Variants in PAPOLG observed in about 807,000 individuals in gnomAD.
PAPOLG encodes the protein PAP-gamma.
In PAPOLG, 40 loss-of-function variants were observed where a neutral mutation model predicts 99.0. The ratio of observed to expected loss-of-function variants is 0.40; its 90% CI spans 0.31 to 0.53. The LOEUF (loss-of-function observed/expected upper bound fraction) is 0.53. Among genes scored for constraint, PAPOLG ranks in the 20% least tolerant of loss-of-function variants. PAPOLG has a pLI of 0.41. For missense variants in PAPOLG, 675 were observed against 884.1 expected (o/e 0.76, Z 3.00); for synonymous variants, 310 against 299.3 (o/e 1.04, Z -0.37).
At chr2:60,760,796 A>G (rs1004188493) in intron 2 of PAPOLG, among the ~76,000 whole-genome samples, 4 of 152,202 alleles carry the variant, frequency 2.6e-5, no homozygotes, top group African/African-American at 9.6e-5. Flanking sequence ...GGTGTTGTCA[A>G]GGTTTGGTTT....
In PAPOLG at chr2:60,793,999, A is replaced by AC. The variant is rs1251178026; in HGVS notation, c.1803dup (p.Thr602HisfsTer16). Reference sequence around the variant, plus strand: ...TTGACTCTACAGTAAAAACTGTATCACCCCCCACTGTGTGTACCATTCCTA... The same window carrying AC: ...TTGACTCTACAGTAAAAACTGTATCACCCCCCCACTGTGTGTACCATTCCTA... On this transcript the variant is annotated frameshift_variant, in exon 19 of 22. Coordinates refer to ENST00000238714, the MANE Select transcript of PAPOLG (RefSeq NM_022894.4). LOFTEE classifies it high-confidence loss of function. 1.2e-6 allele frequency: 2 copies of AC among 1,611,572 alleles called. No homozygotes were observed. Among genetic ancestry groups the AC allele is most frequent in the Non-Finnish European group, 1.7e-6 (2 of 1,177,836 alleles).
rs2103840908 is a variant in PAPOLG at position 60,801,268 on chromosome 2, T to C, written c.*4108T>C. 1 of 152,110 alleles carries C rather than the reference T, an allele frequency of 6.6e-6. No homozygotes were observed. The allele number at this position is 152,110 out of a possible 1,614,324, so 9.4% of individuals were successfully genotyped here. On this transcript the variant is annotated 3_prime_UTR_variant, in exon 22 of 22. Transcript: ENST00000238714. ...TGATAGTTTAGGGAAAAAAAAAAACTTTGTATAAATAAAATTGTATGTGTG... is the reference window on the plus strand; with the variant it reads ...TGATAGTTTAGGGAAAAAAAAAAACCTTGTATAAATAAAATTGTATGTGTG...
chr2:60,763,416 C>G, intron 3 of PAPOLG, among the ~76,000 whole-genome samples: 1 of 152,058 alleles, frequency 6.6e-6, no homozygotes, highest in Non-Finnish European at 1.5e-5. Flanking sequence ...CTTTTTCCCC[C>G]CAGTATTTTT....
chr2:60,788,829 C>A (rs146803133), intron 15 of PAPOLG, among the ~76,000 whole-genome samples: 1,551 of 151,928 alleles, frequency 0.01, 44 homozygotes, highest in African/African-American at 0.035. Context: ...AACCCCATCT[C>A]TACAAAAAAT....
intron 7 of PAPOLG, among the ~76,000 whole-genome samples, chr2:60,774,111 T>A (rs975853528): frequency 6.6e-6 from 1 of 152,124 alleles, no homozygotes; most frequent in African/African-American, 2.4e-5. Context: ...GTTTTTTTTT[T>A]GAGACGGGAG....
intron 1 of PAPOLG, 148 bp downstream of exon 1, chr2:60,756,643 A>C: frequency 1.1e-6 from 1 of 880,268 alleles, no homozygotes; most frequent in Non-Finnish European, 1.7e-6. Flanking sequence ...CCGGTCCGCA[A>C]GGGCACCTCC....
Position 60,800,933 on chromosome 2 carries a change from C to G in PAPOLG, c.*3773C>G, listed in dbSNP as rs1447510270. 1 of 152,300 alleles carries G rather than the reference C, an allele frequency of 6.6e-6. No homozygotes were observed. The highest frequency in any genetic ancestry group is 1.5e-5 in the Non-Finnish European group (1 of 68,026). 9.4% of individuals were successfully genotyped at this position (152,300 alleles called of 1,614,324 possible). A position where few individuals can be genotyped will look rare whatever the true frequency, so the allele number is the denominator to read the frequency against. ...TGGGCTGGTGAGGGACTCTGGAATTCTGAATTTCTAAGTTTATAACCTAAA... is the reference window on the plus strand; with the variant it reads ...TGGGCTGGTGAGGGACTCTGGAATTGTGAATTTCTAAGTTTATAACCTAAA... On this transcript the variant is annotated 3_prime_UTR_variant, in exon 22 of 22. Transcript: ENST00000238714.
At chr2:60,757,026 A>G (rs1056284852) in intron 1 of PAPOLG, among the ~76,000 whole-genome samples, 3 of 151,432 alleles carry the variant, frequency 2.0e-5, no homozygotes, top group Admixed American at 2.0e-4. Flanking sequence ...CACAACATCT[A>G]CCGGTCTGTA....
intron 17 of PAPOLG, 151 bp from the exon 18 acceptor site, chr2:60,793,476 G>GT (rs1364005747): frequency 7.4e-6 from 6 of 810,388 alleles, no homozygotes; most frequent in Non-Finnish European, 1.2e-5. Flanking sequence ...AGGTGGCAAA[G>GT]TTACTTGAGT....
intron 3 of PAPOLG, among the ~76,000 whole-genome samples, chr2:60,765,192 C>G (rs992239427): frequency 6.6e-6 from 1 of 151,692 alleles, no homozygotes; most frequent in Non-Finnish European, 1.5e-5. Flanking sequence ...CCCCAGCCCC[C>G]CAAGTAGCAG....
chr2:60,785,687 C>T (rs559403076), intron 13 of PAPOLG, among the ~76,000 whole-genome samples: 5 of 130,768 alleles, frequency 3.8e-5, no homozygotes, highest in Admixed American at 7.7e-5. Flanking sequence ...CCATACCTGG[C>T]TGATTTTTTT....
chr2:60,793,232 C>T (rs1671596773), intron 17 of PAPOLG, among the ~76,000 whole-genome samples: 1 of 118,784 alleles, frequency 8.4e-6, no homozygotes, highest in Non-Finnish European at 1.7e-5. Flanking sequence ...AAAAAAAAAG[C>T]AGTGGTAAAT....
At chr2:60,788,489 T>A (rs905592896) in intron 15 of PAPOLG, among the ~76,000 whole-genome samples, 2 of 152,056 alleles carry the variant, frequency 1.3e-5, no homozygotes, top group African/African-American at 4.8e-5. Context: ...TCCTGGCTAA[T>A]TTTTTTATTT....
intron 13 of PAPOLG, among the ~76,000 whole-genome samples, chr2:60,786,592 A>C (rs537289309): frequency 9.3e-5 from 14 of 149,858 alleles, no homozygotes; most frequent in African/African-American, 3.4e-4. Context: ...GCAGTGGCAC[A>C]ATCTCAGCTC....
At position 60,785,340 on chromosome 2, in the gene PAPOLG, T is replaced by C. The variant is rs1442528935; in HGVS notation, c.1167-1607T>C. 2.6e-5 allele frequency among the ~76,000 whole-genome samples: 4 copies of C among 152,128 alleles called. No homozygotes were observed. The East Asian group carries it at 7.7e-4, about 29-fold the overall frequency. On this transcript the variant is annotated intron_variant, in intron 13 of 21. Coordinates refer to ENST00000238714, the MANE Select transcript of PAPOLG (RefSeq NM_022894.4). ...TTTTAGTAGAGACGGGGTTTCACCA[T>C]GTTAGCCAGGATGGTCTCAATCTCC...
intron 10 of PAPOLG, among the ~76,000 whole-genome samples, chr2:60,781,318 C>G (rs1045536480): frequency 6.6e-6 from 1 of 151,870 alleles, no homozygotes; most frequent in South Asian, 2.1e-4. Context: ...GACTGTGCCA[C>G]TGCACTCCAG....
At chr2:60,788,071 A>G (rs1330546197) in intron 15 of PAPOLG, among the ~76,000 whole-genome samples, 1 of 151,990 alleles carries the variant, frequency 6.6e-6, no homozygotes, top group Non-Finnish European at 1.5e-5. Context: ...AAAAAGCATT[A>G]TGAAGCAATT....
At position 60,794,166 on chromosome 2, in the gene PAPOLG, C is replaced by G. The variant is rs1573259419; in HGVS notation, c.1964C>G (p.Pro655Arg). The G allele has an allele frequency of 6.2e-7, 1 of 1,612,070 alleles. No homozygotes were observed. The highest frequency in any genetic ancestry group is 8.5e-7 in the Non-Finnish European group (1 of 1,178,316). Residue 655 changes from proline (P) to arginine (R), a missense_variant, in exon 19 of 22, where the codon CCT becomes CGT. Physicochemically the swap from Pro to Arg is moderately radical, Grantham distance 103. Coordinates refer to ENST00000238714, the MANE Select transcript of PAPOLG (RefSeq NM_022894.4). ...CATTCCCCATCCATAGATGGGACTCCTAAGAGGTTGAAAGACGTAGAAAAG... is the reference window on the plus strand; with the variant it reads ...CATTCCCCATCCATAGATGGGACTCGTAAGAGGTTGAAAGACGTAGAAAAG... ...RSHSPSIDGT[P>R]KRLKDVEKFI...
intron 3 of PAPOLG, among the ~76,000 whole-genome samples, chr2:60,764,557 C>G (rs930690220): frequency 1.3e-5 from 2 of 152,032 alleles, no homozygotes; most frequent in Admixed American, 6.6e-5. Context: ...TCCCTAGTAG[C>G]TGGGACCACA....
Sources: gnomAD v4.1 joint callset for allele counts (sites outside exome capture counted in the v4.1 genomes callset) on GRCh38, gnomAD v4.1.1 for gene constraint, MANE v1.5 for transcripts, NCBI Gene and HGNC (gene_info 2026-07-23, HGNC 2026-07-21) for gene names.